Variants in KCNIP4 observed in about 807,000 individuals in gnomAD.
KCNIP4 encodes potassium voltage-gated channel interacting protein 4, also known as Kv channel-interacting protein 4.
KCNIP4 carries 12 observed loss-of-function variants against 34.0 expected under a neutral mutation model. The observed-to-expected ratio is 0.35, with a 90% CI of 0.23 to 0.57. The LOEUF (loss-of-function observed/expected upper bound fraction) is 0.57. KCNIP4 is among the 20% of genes least tolerant of loss of function. KCNIP4 has a pLI of 0.83. For synonymous variants in KCNIP4, 124 were observed against 102.2 expected (o/e 1.21, Z -1.29); for missense variants, 238 against 311.7 (o/e 0.76, Z 1.78).
At chr4:21,375,103 C>T (rs755686617) in intron 1 of KCNIP4, among the ~76,000 whole-genome samples, 3 of 147,322 alleles carry the variant, frequency 2.0e-5, no homozygotes, top group Non-Finnish European at 4.4e-5. Context: ...TTAAATTTCC[C>T]AACAGCTTGC....
rs141645144 is a variant in KCNIP4, at chr4:21,739,705, T to C, written c.61+208866A>G. On this transcript the variant is annotated intron_variant, in intron 1 of 8. Coordinates refer to ENST00000382152, the MANE Select transcript of KCNIP4 (RefSeq NM_025221.6). ...CCACTATGATATAAGGAGAAAGTTATGCTTGTTAAAATAAGTTATGTCCAA... is the reference window on the plus strand; with the variant it reads ...CCACTATGATATAAGGAGAAAGTTACGCTTGTTAAAATAAGTTATGTCCAA... 4.5e-4 allele frequency among the ~76,000 whole-genome samples: 68 copies of C among 152,252 alleles called. No homozygotes were observed. The East Asian group carries it at 0.013, about 29-fold the overall frequency.
intron 3 of KCNIP4, among the ~76,000 whole-genome samples, chr4:20,794,304 G>A (rs966258087): frequency 2.6e-5 from 4 of 152,158 alleles, no homozygotes; most frequent in African/African-American, 9.7e-5. Flanking sequence ...AGCTCAGGCA[G>A]TAATGTGAGC....
chr4:21,728,192 C>G (rs1405246279), intron 1 of KCNIP4, among the ~76,000 whole-genome samples: 1 of 152,140 alleles, frequency 6.6e-6, no homozygotes, highest in African/African-American at 2.4e-5. Flanking sequence ...TCAACACAGC[C>G]AATTGGATGT....
At chr4:21,090,780 T>G (rs1746928017) in intron 1 of KCNIP4, among the ~76,000 whole-genome samples, 1 of 152,198 alleles carries the variant, frequency 6.6e-6, no homozygotes, top group South Asian at 2.1e-4. Context: ...TGAAATAAAA[T>G]GTGTTTTAGA....
At chr4:21,670,995 T>C (rs1264362311) in intron 1 of KCNIP4, among the ~76,000 whole-genome samples, 3 of 151,748 alleles carry the variant, frequency 2.0e-5, no homozygotes, top group Non-Finnish European at 4.4e-5. Flanking sequence ...TAACTTGTTA[T>C]GTTTTCCACT....
intron 8 of KCNIP4, chr4:20,731,563 A>AAAAC: frequency 1.0e-6 from 1 of 985,374 alleles, no homozygotes; most frequent in South Asian, 4.7e-5. Flanking sequence ...CACATACACT[A>AAAAC]AAACAATGAC....
At chr4:21,304,525 C>A (rs1712227057) in intron 1 of KCNIP4, 1 of 152,216 alleles carries the variant, frequency 6.6e-6, no homozygotes, top group Non-Finnish European at 1.5e-5. Flanking sequence ...GAGCAGAGCA[C>A]CGCACCTTGA....
intron 1 of KCNIP4, among the ~76,000 whole-genome samples, chr4:20,899,739 T>C (rs539397973): frequency 5.9e-5 from 9 of 152,316 alleles, no homozygotes; most frequent in South Asian, 2.1e-4. Context: ...CTTTAGGATA[T>C]TGTGCTAAGG....
intron 1 of KCNIP4, among the ~76,000 whole-genome samples, chr4:21,769,678 C>A (rs1718648235): frequency 6.6e-6 from 1 of 152,076 alleles, no homozygotes; most frequent in Admixed American, 6.6e-5. Context: ...TATCACATTA[C>A]ACCATTTGTT....
intron 1 of KCNIP4, among the ~76,000 whole-genome samples, chr4:21,535,628 T>A (rs760438760): frequency 1.6e-4 from 24 of 152,236 alleles, no homozygotes; most frequent in Non-Finnish European, 2.4e-4. Flanking sequence ...AAACATCTAT[T>A]TTATTTCAAT....
chr4:20,882,526 G>A, intron 2 of KCNIP4, 82 bp downstream of exon 2: 1 of 886,954 alleles, frequency 1.1e-6, no homozygotes, highest in Non-Finnish European at 1.8e-6. Context: ...CTGATTCTTT[G>A]TAGAGAACGG....
At chr4:21,328,989 A>G (rs539462442) in intron 1 of KCNIP4, among the ~76,000 whole-genome samples, 165 of 152,364 alleles carry the variant, frequency 1.1e-3, no homozygotes, top group African/African-American at 3.8e-3. Context: ...AGCCCAGTGC[A>G]TGTTCAGAAA....
At chr4:21,548,659 C>CAA (rs34679666) in intron 1 of KCNIP4, among the ~76,000 whole-genome samples, 29 of 147,426 alleles carry the variant, frequency 2.0e-4, no homozygotes, top group East Asian at 1.4e-3. Context: ...TTCTCATATA[C>CAA]AAAAAAAAAA....
At chr4:20,986,776 CT>C (rs1319226193) in intron 1 of KCNIP4, among the ~76,000 whole-genome samples, 6 of 152,260 alleles carry the variant, frequency 3.9e-5, no homozygotes, top group South Asian at 2.1e-4. Flanking sequence ...AAATTCCTAT[CT>C]TTTTTGAAAT....
At chr4:21,557,554 G>C (rs1231146281) in intron 1 of KCNIP4, among the ~76,000 whole-genome samples, 1 of 152,042 alleles carries the variant, frequency 6.6e-6, no homozygotes, top group African/African-American at 2.4e-5. Flanking sequence ...CTTCAAATTA[G>C]AAAGCTGGAG....
intron 1 of KCNIP4, among the ~76,000 whole-genome samples, chr4:21,389,067 C>A (rs1722297372): frequency 6.6e-6 from 1 of 151,752 alleles, no homozygotes; most frequent in African/African-American, 2.4e-5. Flanking sequence ...TCATTGCAGC[C>A]TTGACCTCCC....
chr4:21,295,059 T>C (rs1308858161), intron 1 of KCNIP4, among the ~76,000 whole-genome samples: 1 of 152,154 alleles, frequency 6.6e-6, no homozygotes, highest in East Asian at 1.9e-4. Context: ...TTAAGACAAT[T>C]AACATTGCTC....
intron 1 of KCNIP4, among the ~76,000 whole-genome samples, chr4:20,973,248 C>G (rs1036341053): frequency 6.6e-6 from 1 of 152,234 alleles, no homozygotes; most frequent in African/African-American, 2.4e-5. Context: ...CTTGCTGTAG[C>G]TACTCCAATA....
chr4:21,712,119 TGTATTTTAAAAGTATTCAAA>T (rs539830362), intron 1 of KCNIP4, among the ~76,000 whole-genome samples: 79 of 124,354 alleles, frequency 6.4e-4, no homozygotes, highest in African/African-American at 2.2e-3. Flanking sequence ...TAGATAAACC[TGTATTTTAAAAGTATTCAAA>T]ACAAAACACA....
Sources: allele counts gnomAD v4.1 joint callset (sites outside exome capture counted in the v4.1 genomes callset), GRCh38; gene constraint gnomAD v4.1.1; transcripts MANE v1.5; gene names NCBI Gene and HGNC (gene_info 2026-07-23, HGNC 2026-07-21).